The following OCLN variants were observed in gnomAD, a reference collection of about 807,000 sequenced individuals.
The protein encoded by OCLN is occludin.
In OCLN, 21 loss-of-function variants were observed where a neutral mutation model predicts 47.9. The observed-to-expected ratio is 0.44, with a 90% CI of 0.31 to 0.63. OCLN has a LOEUF of 0.63. Among genes scored for constraint, OCLN ranks in the 30% least tolerant of loss-of-function variants. The pLI is 0.08. For missense variants in OCLN, 360 were observed against 571.0 expected (o/e 0.63, Z 3.77); for synonymous variants, 117 against 198.4 (o/e 0.59, Z 3.45).
At chr5:69,497,419 C>A (rs1346868120) in intron 1 of OCLN, among the ~76,000 whole-genome samples, 1 of 129,814 alleles carries the variant, frequency 7.7e-6, no homozygotes, top group Non-Finnish European at 1.6e-5. Flanking sequence ...GCCAGAGTCT[C>A]ACTGTGTCGC....
chr5:69,529,258 C>G (rs533891296), intron 4 of OCLN, among the ~76,000 whole-genome samples: 2 of 152,178 alleles, frequency 1.3e-5, no homozygotes, highest in Non-Finnish European at 2.9e-5. Flanking sequence ...TGTTTGTTTT[C>G]CTGTTGGCAT....
At chr5:69,495,212 A>G (rs1165471535) in intron 1 of OCLN, among the ~76,000 whole-genome samples, 1 of 152,196 alleles carries the variant, frequency 6.6e-6, no homozygotes, top group Non-Finnish European at 1.5e-5. Context: ...TCAAATTACT[A>G]TTTATGGAAA....
intron 7 of OCLN, among the ~76,000 whole-genome samples, chr5:69,548,966 T>TTAA (rs1216702062): frequency 4.5e-5 from 6 of 132,516 alleles, no homozygotes; most frequent in East Asian, 4.8e-4. Flanking sequence ...ATCTCAAAAA[T>TTAA]TAATAATAAT....
intron 5 of OCLN, among the ~76,000 whole-genome samples, chr5:69,536,932 C>T (rs1769605055): frequency 6.7e-6 from 1 of 150,356 alleles, no homozygotes; most frequent in Non-Finnish European, 1.5e-5. Context: ...CGCGCCACTG[C>T]ACTCTAGCCT....
chr5:69,532,822 G>C (rs911238138), intron 4 of OCLN, among the ~76,000 whole-genome samples: 4 of 151,866 alleles, frequency 2.6e-5, no homozygotes, highest in African/African-American at 9.7e-5. Context: ...ACAAAAATTA[G>C]CCGGGCATGT....
At chr5:69,502,056 G>A (rs1768472836) in intron 1 of OCLN, among the ~76,000 whole-genome samples, 1 of 152,006 alleles carries the variant, frequency 6.6e-6, no homozygotes, top group African/African-American at 2.4e-5. Flanking sequence ...ACAATTAGCC[G>A]GGCGTGGCAG....
At chr5:69,496,194 G>T (rs1768283729) in intron 1 of OCLN, among the ~76,000 whole-genome samples, 1 of 151,938 alleles carries the variant, frequency 6.6e-6, no homozygotes, top group Non-Finnish European at 1.5e-5. Context: ...CGCCTCCCGG[G>T]TTCACACCAT....
chr5:69,512,761 T>A (rs1768822152), intron 3 of OCLN, among the ~76,000 whole-genome samples: 3 of 152,230 alleles, frequency 2.0e-5, no homozygotes, highest in African/African-American at 7.2e-5. Flanking sequence ...AGTTAGTATG[T>A]TTAAAAGCTA....
intron 4 of OCLN, among the ~76,000 whole-genome samples, chr5:69,518,129 G>C (rs187439039): frequency 9.8e-4 from 150 of 152,328 alleles, no homozygotes; most frequent in South Asian, 3.9e-3. Context: ...AAAGATAGCT[G>C]TTGTAACTTA....
At chr5:69,505,753 A>G (rs886559024) in intron 2 of OCLN, among the ~76,000 whole-genome samples, 2 of 152,300 alleles carry the variant, frequency 1.3e-5, no homozygotes, top group Admixed American at 1.3e-4. Flanking sequence ...TTTAACCATG[A>G]TAAGTGTAGT....
At chr5:69,503,495 G>A (rs935155167) in intron 1 of OCLN, among the ~76,000 whole-genome samples, 1 of 152,152 alleles carries the variant, frequency 6.6e-6, no homozygotes, top group Non-Finnish European at 1.5e-5. Context: ...CACCAGCCTG[G>A]AAGAGCCAGG....
chr5:69,497,628 G>T (rs1343549486), intron 1 of OCLN, among the ~76,000 whole-genome samples: 1 of 151,724 alleles, frequency 6.6e-6, no homozygotes, highest in Non-Finnish European at 1.5e-5. Context: ...TGATCCACCC[G>T]CCTCGTCCTC....
chr5:69,494,100 G>A (rs1011048019), intron 1 of OCLN, among the ~76,000 whole-genome samples: 39 of 152,280 alleles, frequency 2.6e-4, no homozygotes, highest in African/African-American at 8.4e-4. Flanking sequence ...GTGTTTTTTG[G>A]TGATTCTTGG....
At chr5:69,519,829 C>T (rs1769083443) in intron 4 of OCLN, among the ~76,000 whole-genome samples, 1 of 152,078 alleles carries the variant, frequency 6.6e-6, no homozygotes, top group African/African-American at 2.4e-5. Flanking sequence ...AAAATTGGCC[C>T]TCTGGATACC....
At chr5:69,514,444 T>C (rs967932257) in intron 4 of OCLN, among the ~76,000 whole-genome samples, 1 of 152,104 alleles carries the variant, frequency 6.6e-6, no homozygotes, top group Non-Finnish European at 1.5e-5. Context: ...ATTTTGGAGA[T>C]AAACAGAAAC....
At chr5:69,519,327 A>G (rs1769067861) in intron 4 of OCLN, among the ~76,000 whole-genome samples, 1 of 152,222 alleles carries the variant, frequency 6.6e-6, no homozygotes, top group Admixed American at 6.5e-5. Flanking sequence ...AGCAGAGGGT[A>G]GTCAAAAGCT....
At chr5:69,497,371 C>T (rs1768322264) in intron 1 of OCLN, among the ~76,000 whole-genome samples, 1 of 147,622 alleles carries the variant, frequency 6.8e-6, no homozygotes, top group African/African-American at 2.5e-5. Context: ...TGTCTTAAGA[C>T]ATGGTTTTTC....
intron 4 of OCLN, among the ~76,000 whole-genome samples, chr5:69,528,687 T>C (rs1347266617): frequency 6.6e-6 from 1 of 152,198 alleles, no homozygotes; most frequent in African/African-American, 2.4e-5. Context: ...TCTGTGACTT[T>C]GAGCAAGTTA....
At chr5:69,502,503 G>A (rs114726850) in intron 1 of OCLN, 78 of 152,302 alleles carry the variant, frequency 5.1e-4, no homozygotes, top group African/African-American at 1.8e-3. Flanking sequence ...CGTCTACTAT[G>A]TGCCAGGCAT....
Sources: allele counts gnomAD v4.1 joint callset (sites outside exome capture counted in the v4.1 genomes callset), GRCh38; gene constraint gnomAD v4.1.1; transcripts MANE v1.5; gene names NCBI Gene and HGNC (gene_info 2026-07-23, HGNC 2026-07-21).